The following RASGRP3 variants were observed in gnomAD, a reference collection of about 807,000 sequenced individuals.
RASGRP3 encodes RAS guanyl releasing protein 3.
In RASGRP3, 54 loss-of-function variants were observed where a neutral mutation model predicts 82.7. That is an observed-to-expected ratio of 0.65 (90% CI 0.52 to 0.82). The LOEUF is 0.82. Ranked by LOEUF, RASGRP3 falls within the 40% of genes least tolerant of loss-of-function variation. The probability of loss-of-function intolerance (pLI) is 0.00; values close to 1 mark genes in which losing one functional copy is unlikely to be tolerated. For synonymous variants in RASGRP3, 309 were observed against 300.5 expected, an observed-to-expected ratio of 1.03 and a Z score of -0.29; for missense variants, 861 against 828.9, an observed-to-expected ratio of 1.04 and a Z score of -0.48.
At chr2:33,500,952 A>G (rs1669818348) in intron 1 of RASGRP3, among the ~76,000 whole-genome samples, 1 of 152,192 alleles carries the variant, frequency 6.6e-6, no homozygotes, top group African/African-American at 2.4e-5. Flanking sequence ...AATAAATAAA[A>G]TAAAGTGCAC....
At chr2:33,482,343 T>A (rs1668015264) in intron 1 of RASGRP3, 1 of 152,192 alleles carries the variant, frequency 6.6e-6, no homozygotes, top group Non-Finnish European at 1.5e-5. Context: ...TTAAAGGAAC[T>A]TAGTGATCAT....
At chr2:33,493,731 A>AGGGG (rs1275560260) in intron 1 of RASGRP3, among the ~76,000 whole-genome samples, 5 of 151,872 alleles carry the variant, frequency 3.3e-5, no homozygotes, top group African/African-American at 1.2e-4. Context: ...CCCTGCTATC[A>AGGGG]TTTTAGACCA....
intron 4 of RASGRP3, among the ~76,000 whole-genome samples, chr2:33,517,110 C>A (rs1671544379): frequency 6.6e-6 from 1 of 152,160 alleles, no homozygotes; most frequent in African/African-American, 2.4e-5. Context: ...TGCCAAGACA[C>A]AATGAACATT....
chr2:33,487,199 CA>C (rs1199292209), intron 1 of RASGRP3, among the ~76,000 whole-genome samples: 1 of 151,988 alleles, frequency 6.6e-6, no homozygotes, highest in Non-Finnish European at 1.5e-5. Flanking sequence ...TTCAGACATG[CA>C]AAATAATTAA....
chr2:33,497,240 C>T (rs1328130656), intron 1 of RASGRP3, among the ~76,000 whole-genome samples: 1 of 152,098 alleles, frequency 6.6e-6, no homozygotes, highest in African/African-American at 2.4e-5. Flanking sequence ...TAAATATATA[C>T]ATGCTCTGTT....
At chr2:33,472,297 A>G (rs1028088101), upstream of RASGRP3, among the ~76,000 whole-genome samples, 1 of 152,220 alleles carries the variant, frequency 6.6e-6, no homozygotes, top group Non-Finnish European at 1.5e-5. Flanking sequence ...AAGAAATGCA[A>G]CCGCAGCGAA....
chr2:33,556,582 T>G (rs1675990349), intron 15 of RASGRP3, among the ~76,000 whole-genome samples: 1 of 152,158 alleles, frequency 6.6e-6, no homozygotes, highest in South Asian at 2.1e-4. Flanking sequence ...TGAAAAAATA[T>G]AATAAAACTA....
Position 33,524,032 on chromosome 2 carries a change from A to C in RASGRP3, c.670A>C (p.Lys224Gln). The change falls in exon 8 of 18, where the codon AAG becomes CAG. Residue 224 changes from lysine to glutamine, a missense_variant. Lys to Gln is a moderately conservative substitution (Grantham distance 53). Transcript: ENST00000403687. ...TPQQRAEVIT[K>Q]FINVAKKLLQ... ...CCAGCAAAGGGCAGAAGTCATCACA[A>C]AGTTTATCAATGTTGCAAAGGTATG... 3 of 1,613,916 alleles carry C rather than the reference A, an allele frequency of 1.9e-6. No homozygotes were observed. The highest frequency in any genetic ancestry group is 2.5e-6 in the Non-Finnish European group (3 of 1,179,848).
At chr2:33,488,034 T>C (rs1033644190) in intron 1 of RASGRP3, among the ~76,000 whole-genome samples, 3 of 152,230 alleles carry the variant, frequency 2.0e-5, no homozygotes, top group Non-Finnish European at 2.9e-5. Flanking sequence ...ATTAAACTTA[T>C]ACATTTATTT....
intron 1 of RASGRP3, among the ~76,000 whole-genome samples, chr2:33,444,457 A>C (rs1367942980): frequency 6.6e-6 from 1 of 152,182 alleles, no homozygotes; most frequent in Non-Finnish European, 1.5e-5. Flanking sequence ...TCCTTACTGC[A>C]TGTCTCAACT....
chr2:33,557,409 A>G (rs1218530158), intron 15 of RASGRP3, among the ~76,000 whole-genome samples: 2 of 152,106 alleles, frequency 1.3e-5, no homozygotes, highest in Non-Finnish European at 2.9e-5. Flanking sequence ...AATGAAGAAG[A>G]GTAAAAAAAT....
intron 8 of RASGRP3, 131 bp downstream of exon 8, chr2:33,524,183 T>C (rs1349647572): frequency 6.2e-6 from 7 of 1,132,590 alleles, no homozygotes; most frequent in Non-Finnish European, 7.6e-6. Context: ...TGATATCTAA[T>C]GAACAAATCG....
chr2:33,455,580 C>T (rs903496961), intron 2 of RASGRP3, among the ~76,000 whole-genome samples: 4 of 152,202 alleles, frequency 2.6e-5, no homozygotes, highest in African/African-American at 9.6e-5. Context: ...CGTGTAAAAT[C>T]GATGGAGACT....
intron 4 of RASGRP3, 117 bp from the exon 5 acceptor site, chr2:33,519,835 T>G: frequency 1.6e-6 from 1 of 642,328 alleles, no homozygotes; most frequent in Non-Finnish European, 2.7e-6. Flanking sequence ...CGTATTTGAG[T>G]GTCTATATAA....
At chr2:33,561,669 A>T (rs1451626027) in intron 17 of RASGRP3, among the ~76,000 whole-genome samples, 2 of 152,128 alleles carry the variant, frequency 1.3e-5, no homozygotes, top group Non-Finnish European at 2.9e-5. Flanking sequence ...GCACTGACCT[A>T]CACATTTATT....
At chr2:33,523,413 C>T (rs1157141960) in intron 7 of RASGRP3, among the ~76,000 whole-genome samples, 2 of 151,092 alleles carry the variant, frequency 1.3e-5, no homozygotes, top group Non-Finnish European at 1.5e-5. Context: ...TGCAGTGAGC[C>T]GAGATCGCGC....
intron 1 of RASGRP3, among the ~76,000 whole-genome samples, chr2:33,496,185 CA>C (rs1669291672): frequency 6.6e-6 from 1 of 152,100 alleles, no homozygotes; most frequent in Non-Finnish European, 1.5e-5. Flanking sequence ...GGAGAAAGGA[CA>C]AAGATTCATG....
intron 1 of RASGRP3, among the ~76,000 whole-genome samples, chr2:33,479,565 C>A (rs1375245938): frequency 6.6e-6 from 1 of 152,072 alleles, no homozygotes; most frequent in Non-Finnish European, 1.5e-5. Context: ...TTTTTTTGAG[C>A]TGTGGGTGTA....
intron 1 of RASGRP3, among the ~76,000 whole-genome samples, chr2:33,486,300 A>G (rs776652382): frequency 6.6e-6 from 1 of 151,916 alleles, no homozygotes; most frequent in African/African-American, 2.4e-5. Context: ...AGTAACTGGG[A>G]TTACAGGTGC....
Sources: allele counts gnomAD v4.1 joint callset (sites outside exome capture counted in the v4.1 genomes callset), GRCh38; gene constraint gnomAD v4.1.1; transcripts MANE v1.5; gene names NCBI Gene and HGNC (gene_info 2026-07-23, HGNC 2026-07-21).